LRRK2: variants seen among roughly 807,000 people sequenced by gnomAD.
The protein encoded by LRRK2 is leucine-rich repeat serine/threonine-protein kinase 2.
A neutral mutation model predicts 302.6 loss-of-function variants in LRRK2; 203 were observed. The ratio of observed to expected loss-of-function variants is 0.67; its 90% CI spans 0.60 to 0.75. The LOEUF (loss-of-function observed/expected upper bound fraction) is 0.75, where lower values mean the gene tolerates loss of function less well. Ranked by LOEUF, LRRK2 falls within the 30% of genes least tolerant of loss-of-function variation. LRRK2 has a pLI of 0.00. For missense variants in LRRK2, 2,830 were observed against 2,951.0 expected, an observed-to-expected ratio of 0.96 and a Z score of 0.95; for synonymous variants, 1,066 against 1,031.9, an observed-to-expected ratio of 1.03 and a Z score of -0.63.
chr12:40,316,925 A>G (rs1280361086), intron 33 of LRRK2, among the ~76,000 whole-genome samples: 1 of 152,100 alleles, frequency 6.6e-6, no homozygotes, highest in Non-Finnish European at 1.5e-5. Context: ...CACATAGTCA[A>G]GGAAAAGCTA....
At chr12:40,228,230 A>G (rs1940994877) in intron 2 of LRRK2, among the ~76,000 whole-genome samples, 1 of 152,060 alleles carries the variant, frequency 6.6e-6, no homozygotes, top group Admixed American at 6.5e-5. Context: ...CTTTTTCTGC[A>G]TCCTTACCAG....
intron 8 of LRRK2, 44 bp from the exon 9 acceptor site, chr12:40,251,188 A>G: frequency 7.8e-7 from 1 of 1,286,370 alleles, no homozygotes; most frequent in South Asian, 1.4e-5. Flanking sequence ...TGTTAAGTAG[A>G]TAATATATAT....
intron 13 of LRRK2, among the ~76,000 whole-genome samples, chr12:40,262,945 G>T (rs1387571505): frequency 6.6e-6 from 1 of 152,172 alleles, no homozygotes; most frequent in Non-Finnish European, 1.5e-5. Context: ...AGTTGGAGGA[G>T]GGTGGTTATC....
In LRRK2 at chr12:40,292,690, T is replaced by C. The variant is rs1030881950; in HGVS notation, c.2690-855T>C. Among the ~76,000 whole-genome samples the C allele has an allele frequency of 3.3e-5, 5 of 151,936 alleles. No individual in the cohort carries two copies. In the South Asian group the frequency reaches 1.0e-3, roughly 31 times the overall value. On this transcript the variant is annotated intron_variant, in intron 20 of 50. Coordinates refer to ENST00000298910, the MANE Select transcript of LRRK2 (RefSeq NM_198578.4). Reference sequence around the variant, plus strand: ...ATATTATAAGGGTGGTATTTGGATATACAGATTTTATAATTTGGTTTTGAC... The same window carrying C: ...ATATTATAAGGGTGGTATTTGGATACACAGATTTTATAATTTGGTTTTGAC...
intron 4 of LRRK2, among the ~76,000 whole-genome samples, chr12:40,236,712 C>A (rs1941481885): frequency 6.6e-6 from 1 of 151,992 alleles, no homozygotes; most frequent in African/African-American, 2.4e-5. Flanking sequence ...GATGTAAAGA[C>A]CATGCTGGAG....
At chr12:40,225,865 A>G (rs1592125831) in intron 2 of LRRK2, among the ~76,000 whole-genome samples, 1 of 152,214 alleles carries the variant, frequency 6.6e-6, no homozygotes, top group Non-Finnish European at 1.5e-5. Flanking sequence ...AAGTAACTTT[A>G]TAAAACCAAC....
intron 19 of LRRK2, among the ~76,000 whole-genome samples, chr12:40,285,308 A>G (rs1943877021): frequency 6.6e-6 from 1 of 152,112 alleles, no homozygotes; most frequent in African/African-American, 2.4e-5. Context: ...GTAAATTGTT[A>G]GTACCATGAA....
At chr12:40,367,496 A>G in intron 50 of LRRK2, 148 bp from the exon 51 acceptor site, 2 of 621,046 alleles carry the variant, frequency 3.2e-6, no homozygotes, top group Non-Finnish European at 5.0e-6. Flanking sequence ...ATAGTTTTTT[A>G]TAAATAATAA....
intron 31 of LRRK2, among the ~76,000 whole-genome samples, chr12:40,312,231 T>C (rs1243018528): frequency 6.6e-6 from 1 of 152,130 alleles, no homozygotes; most frequent in Non-Finnish European, 1.5e-5. Flanking sequence ...CACTTATAAA[T>C]CACCTTTGAA....
intron 48 of LRRK2, among the ~76,000 whole-genome samples, chr12:40,363,840 G>A (rs550355539): frequency 2.4e-4 from 37 of 152,084 alleles, no homozygotes; most frequent in African/African-American, 8.4e-4. Context: ...TGGAGTCTCT[G>A]CTAGCTTTGA....
chr12:40,272,561 G>T (rs576531738), intron 14 of LRRK2, among the ~76,000 whole-genome samples: 1 of 152,214 alleles, frequency 6.6e-6, no homozygotes, highest in Admixed American at 6.5e-5. Context: ...CGTTATTGTG[G>T]TCATTGCTAT....
chr12:40,232,252 T>C, intron 2 of LRRK2, 22 bp from the exon 3 acceptor site: 1 of 1,522,818 alleles, frequency 6.6e-7, no homozygotes. Flanking sequence ...AACATGTGAA[T>C]ATATGTCTTT....
intron 3 of LRRK2, among the ~76,000 whole-genome samples, chr12:40,233,901 T>C (rs946540151): frequency 1.3e-5 from 2 of 152,238 alleles, no homozygotes; most frequent in Admixed American, 1.3e-4. Flanking sequence ...AAGCCTGTCC[T>C]CTGGGTCAGA....
intron 20 of LRRK2, among the ~76,000 whole-genome samples, chr12:40,292,675 G>T (rs1944206039): frequency 6.6e-6 from 1 of 151,666 alleles, no homozygotes; most frequent in Non-Finnish European, 1.5e-5. Flanking sequence ...ATATTATAAG[G>T]GTGGTATTTG....
intron 20 of LRRK2, among the ~76,000 whole-genome samples, chr12:40,287,790 G>T (rs1943986326): frequency 6.6e-6 from 1 of 151,852 alleles, no homozygotes; most frequent in South Asian, 2.1e-4. Context: ...GACTAGACTG[G>T]AACGAGATTC....
rs1245135440 is a variant in LRRK2, at chr12:40,274,790, A to T, written c.1801+63A>T. The T allele has an allele frequency of 1.7e-5, 27 of 1,609,134 alleles. No individual in the cohort carries two copies. The South Asian group carries it at 2.5e-4, about 15-fold the overall frequency. ...TTGTAGGGCATTAGCTGGTGACTGG[A>T]TGTCTTTAAATATTTTTCTTCAGTT... On this transcript the variant is annotated intron_variant, in intron 15 of 50. Transcript: ENST00000298910.
Position 40,367,646 on chromosome 12 carries a change from A to T in LRRK2, c.7465A>T (p.Ile2489Leu). The T allele has an allele frequency of 6.2e-7, 1 of 1,602,268 alleles. No homozygotes were observed. The highest frequency in any genetic ancestry group is 8.5e-7 in the Non-Finnish European group (1 of 1,173,558). ...NTEGTQKQKE[I>L]QSCLTVWDIN... ...ATTTCATTTTTTTCTTTTTCTAGAG[A>T]TACAATCTTGCTTGACCGTTTGGGA... The change falls in exon 51 of 51, where the codon ATA (isoleucine) becomes TTA (leucine). Residue 2489 changes from isoleucine (I) to leucine (L), a missense_variant and splice_region_variant. By Grantham distance (5) the Ile-to-Leu change is conservative. Coordinates refer to ENST00000298910, the MANE Select transcript of LRRK2 (RefSeq NM_198578.4).
intron 18 of LRRK2, among the ~76,000 whole-genome samples, chr12:40,279,995 T>G (rs569887609): frequency 6.6e-6 from 1 of 152,192 alleles, no homozygotes; most frequent in African/African-American, 2.4e-5. Context: ...AGAGCAAGGG[T>G]GGAGTTGTGT....
At chr12:40,287,217 T>G in intron 19 of LRRK2, 134 bp from the exon 20 acceptor site, 1 of 762,606 alleles carries the variant, frequency 1.3e-6, no homozygotes, top group South Asian at 1.6e-5. Flanking sequence ...GGATCACTAG[T>G]GTAAGGTGAC....
Sources: gnomAD v4.1 joint callset for allele counts (sites outside exome capture counted in the v4.1 genomes callset) on GRCh38, gnomAD v4.1.1 for gene constraint, MANE v1.5 for transcripts, NCBI Gene and HGNC (gene_info 2026-07-23, HGNC 2026-07-21) for gene names.